PDSS2: variants seen among roughly 807,000 people sequenced by gnomAD.
PDSS2 encodes the protein all trans-polyprenyl-diphosphate synthase PDSS2.
PDSS2 carries 31 observed loss-of-function variants against 44.5 expected under a neutral mutation model. The observed-to-expected ratio is 0.70, with a 90% confidence interval of 0.52 to 0.94. The LOEUF (loss-of-function observed/expected upper bound fraction) is 0.94, where lower values mean the gene tolerates loss of function less well. Among genes scored for constraint, PDSS2 ranks in the 40% least tolerant of loss-of-function variants. The pLI is 0.00. For synonymous variants in PDSS2, 157 were observed against 180.3 expected (o/e 0.87, Z 1.03); for missense variants, 452 against 482.2 (o/e 0.94, Z 0.59).
At chr6:107,295,271 T>C (rs1219271495) in intron 2 of PDSS2, among the ~76,000 whole-genome samples, 2 of 152,190 alleles carry the variant, frequency 1.3e-5, no homozygotes, top group Non-Finnish European at 2.9e-5. Flanking sequence ...GTGGACTCCT[T>C]TGGCAATCTG....
chr6:107,448,805 G>A (rs917258787), intron 1 of PDSS2, among the ~76,000 whole-genome samples: 1 of 152,152 alleles, frequency 6.6e-6, no homozygotes, highest in African/African-American at 2.4e-5. Flanking sequence ...AGGTTTAATT[G>A]ACCCAGAGTT....
At chr6:107,319,699 T>A (rs139247908) in intron 2 of PDSS2, among the ~76,000 whole-genome samples, 2 of 152,170 alleles carry the variant, frequency 1.3e-5, no homozygotes, top group Non-Finnish European at 2.9e-5. Context: ...AAAACAAAGT[T>A]TGCATAAAGT....
intron 1 of PDSS2, among the ~76,000 whole-genome samples, chr6:107,437,469 G>A (rs954282295): frequency 6.7e-6 from 1 of 148,258 alleles, no homozygotes; most frequent in Non-Finnish European, 1.5e-5. Flanking sequence ...AGGCTATAGT[G>A]AGCCAAGATC....
chr6:107,424,036 C>CAT (rs1554279679), intron 1 of PDSS2, among the ~76,000 whole-genome samples: 14,582 of 90,276 alleles, frequency 0.16, 1,510 homozygotes, highest in East Asian at 0.24. Flanking sequence ...TATCTTGCAT[C>CAT]TTTTTTTTTT....
intron 1 of PDSS2, among the ~76,000 whole-genome samples, chr6:107,343,605 TG>T (rs1353787612): frequency 6.6e-6 from 1 of 152,202 alleles, no homozygotes; most frequent in Non-Finnish European, 1.5e-5. Flanking sequence ...GTTTACTTAA[TG>T]ACATGGGAAA....
intron 4 of PDSS2, 34 bp downstream of exon 4, chr6:107,245,514 T>C (rs753549966): frequency 4.3e-5 from 52 of 1,207,904 alleles, no homozygotes; most frequent in Admixed American, 1.2e-4. Context: ...CGACGGTTTA[T>C]AACATAACAT....
At chr6:107,167,068 G>A (rs1333543521) in intron 7 of PDSS2, among the ~76,000 whole-genome samples, 1 of 152,148 alleles carries the variant, frequency 6.6e-6, no homozygotes, top group African/African-American at 2.4e-5. Flanking sequence ...ACTCCTCCTT[G>A]TACCTCTGGT....
At chr6:107,245,417 T>C (rs1240241158) in intron 4 of PDSS2, 131 bp downstream of exon 4, 2 of 414,260 alleles carry the variant, frequency 4.8e-6, no homozygotes, top group African/African-American at 9.4e-5. Flanking sequence ...AAAACACTAA[T>C]CAAAAAAAAA....
At chr6:107,168,079 G>T (rs1771420101) in intron 7 of PDSS2, among the ~76,000 whole-genome samples, 1 of 152,066 alleles carries the variant, frequency 6.6e-6, no homozygotes, top group Non-Finnish European at 1.5e-5. Context: ...CAGTGGGGTG[G>T]TAAAGTCTCC....
intron 3 of PDSS2, among the ~76,000 whole-genome samples, chr6:107,258,351 G>C (rs1368765986): frequency 6.6e-6 from 1 of 151,218 alleles, no homozygotes; most frequent in Non-Finnish European, 1.5e-5. Context: ...CTGGTTATAA[G>C]ATGCAAGTTT....
intron 1 of PDSS2, among the ~76,000 whole-genome samples, chr6:107,341,458 TGTGCCTATAGA>T (rs1294081890): frequency 2.6e-5 from 4 of 152,190 alleles, no homozygotes; most frequent in African/African-American, 9.6e-5. Flanking sequence ...CTGGAAATGC[TGTGCCTATAGA>T]GTTGGGAAGC....
chr6:107,233,673 C>T (rs1050762512), intron 4 of PDSS2, among the ~76,000 whole-genome samples: 30 of 151,494 alleles, frequency 2.0e-4, no homozygotes, highest in African/African-American at 6.1e-4. Context: ...ATTAGGCAGG[C>T]GTGGTGGTGT....
intron 2 of PDSS2, among the ~76,000 whole-genome samples, chr6:107,313,666 T>C (rs1777115509): frequency 6.6e-6 from 1 of 152,180 alleles, no homozygotes; most frequent in Non-Finnish European, 1.5e-5. Context: ...ACATTTGTTT[T>C]ATAATATGAA....
intron 6 of PDSS2, among the ~76,000 whole-genome samples, chr6:107,205,446 G>A (rs1000074530): frequency 6.6e-6 from 1 of 152,174 alleles, no homozygotes; most frequent in Non-Finnish European, 1.5e-5. Flanking sequence ...GCTCTGTGGT[G>A]CTCTGAAGGA....
At chr6:107,161,575 C>G (rs1351018950) in intron 7 of PDSS2, among the ~76,000 whole-genome samples, 1 of 151,998 alleles carries the variant, frequency 6.6e-6, no homozygotes, top group Non-Finnish European at 1.5e-5. Context: ...GAACCATGGC[C>G]CTAGGCTAAA....
intron 5 of PDSS2, among the ~76,000 whole-genome samples, chr6:107,211,550 T>A (rs1484174586): frequency 6.6e-6 from 1 of 151,870 alleles, no homozygotes; most frequent in Non-Finnish European, 1.5e-5. Context: ...ACCAACATGG[T>A]GAAACCTCGT....
chr6:107,353,704 A>T (rs1421080189), intron 1 of PDSS2, among the ~76,000 whole-genome samples: 1 of 152,184 alleles, frequency 6.6e-6, no homozygotes, highest in East Asian at 1.9e-4. Context: ...AGTTCTCGAA[A>T]GTGCCAAAGA....
intron 1 of PDSS2, among the ~76,000 whole-genome samples, chr6:107,362,543 TAAC>T (rs1254889400): frequency 1.3e-5 from 2 of 152,140 alleles, no homozygotes; most frequent in Non-Finnish European, 2.9e-5. Flanking sequence ...GTAATAAAAC[TAAC>T]AACAACCAAG....
intron 1 of PDSS2, among the ~76,000 whole-genome samples, chr6:107,453,303 T>C (rs1781934953): frequency 6.6e-6 from 1 of 152,192 alleles, no homozygotes; most frequent in African/African-American, 2.4e-5. Context: ...AGTTTTATAG[T>C]TTAACATTTC....
Sources: gnomAD v4.1 joint callset for allele counts (sites outside exome capture counted in the v4.1 genomes callset) on GRCh38, gnomAD v4.1.1 for gene constraint, MANE v1.5 for transcripts, NCBI Gene and HGNC (gene_info 2026-07-23, HGNC 2026-07-21) for gene names.